Variants in PPM1H observed in about 807,000 individuals in gnomAD.
PPM1H encodes protein phosphatase 1H.
In PPM1H, 27 loss-of-function variants were observed where a neutral mutation model predicts 54.9. The ratio of observed to expected loss-of-function variants is 0.49; its 90% CI spans 0.36 to 0.68. The LOEUF is 0.68. Among genes scored for constraint, PPM1H ranks in the 30% least tolerant of loss-of-function variants. The pLI is 0.00. For missense variants in PPM1H, 596 were observed against 667.8 expected, an observed-to-expected ratio of 0.89 and a Z score of 1.19; for synonymous variants, 305 against 270.8, an observed-to-expected ratio of 1.13 and a Z score of -1.24.
chr12:62,901,558 G>T (rs980657568), intron 1 of PPM1H, among the ~76,000 whole-genome samples: 7 of 152,134 alleles, frequency 4.6e-5, no homozygotes, highest in African/African-American at 1.4e-4. Flanking sequence ...CGTCTTTATA[G>T]AAATTGCCTC....
chr12:62,879,176 C>A (rs912462205), intron 1 of PPM1H, among the ~76,000 whole-genome samples: 1 of 152,166 alleles, frequency 6.6e-6, no homozygotes, highest in African/African-American at 2.4e-5. Flanking sequence ...GGAAGTGTTT[C>A]TTTCGCTATT....
chr12:62,793,937 G>T (rs2663949), intron 3 of PPM1H, among the ~76,000 whole-genome samples: 1 of 152,156 alleles, frequency 6.6e-6, no homozygotes, highest in Non-Finnish European at 1.5e-5. Context: ...ATATCTGGTA[G>T]CAGAAAGGAG....
chr12:62,831,740 T>A (rs1262880718), intron 2 of PPM1H, among the ~76,000 whole-genome samples: 1 of 150,796 alleles, frequency 6.6e-6, no homozygotes, highest in African/African-American at 2.5e-5. Flanking sequence ...AGTGTGTGTG[T>A]ATACGTATAT....
chr12:62,813,502 T>C (rs1433084070), intron 2 of PPM1H, among the ~76,000 whole-genome samples: 2 of 152,228 alleles, frequency 1.3e-5, no homozygotes, highest in Non-Finnish European at 2.9e-5. Flanking sequence ...TGGCAACCCA[T>C]TGCAGGGGAC....
chr12:62,871,511 C>CT (rs375570472), intron 1 of PPM1H, among the ~76,000 whole-genome samples: 1,633 of 119,100 alleles, frequency 0.014, 19 homozygotes, highest in Middle Eastern at 0.038. Context: ...AACTGTGGTA[C>CT]TTTTTTTTTT....
At chr12:62,737,198 A>G (rs1333224311) in intron 5 of PPM1H, among the ~76,000 whole-genome samples, 1 of 145,212 alleles carries the variant, frequency 6.9e-6, no homozygotes, top group Non-Finnish European at 1.5e-5. Flanking sequence ...TGCATTTCAC[A>G]TTGTACATAA....
At chr12:62,887,475 C>T (rs921735172) in intron 1 of PPM1H, among the ~76,000 whole-genome samples, 7 of 152,254 alleles carry the variant, frequency 4.6e-5, no homozygotes, top group African/African-American at 1.7e-4. Context: ...TATTAATGTA[C>T]CAGGCATGAT....
intron 2 of PPM1H, among the ~76,000 whole-genome samples, chr12:62,810,554 A>G (rs1428213767): frequency 6.6e-6 from 1 of 152,204 alleles, no homozygotes; most frequent in African/African-American, 2.4e-5. Flanking sequence ...TCAGTTTGGT[A>G]TTAACTCTAA....
At chr12:62,922,362 A>G (rs1211137517) in intron 1 of PPM1H, among the ~76,000 whole-genome samples, 4 of 151,340 alleles carry the variant, frequency 2.6e-5, no homozygotes, top group African/African-American at 9.7e-5. Context: ...ATTTCACACA[A>G]TGAATGGTCA....
intron 9 of PPM1H, among the ~76,000 whole-genome samples, chr12:62,651,048 T>G (rs2075813338): frequency 1.3e-5 from 2 of 152,216 alleles, no homozygotes; most frequent in Admixed American, 1.3e-4. Context: ...GCTTTTTAGG[T>G]TCAGAAACCT....
intron 6 of PPM1H, among the ~76,000 whole-genome samples, chr12:62,714,952 A>T (rs61919555): frequency 0.061 from 9,332 of 152,240 alleles, 405 homozygotes; most frequent in Non-Finnish European, 0.096. Context: ...GTGAAGTTTC[A>T]GCCCCCTCCC....
At chr12:62,890,718 ACAC>A (rs1870760753) in intron 1 of PPM1H, among the ~76,000 whole-genome samples, 3 of 12,192 alleles carry the variant, frequency 2.5e-4, no homozygotes, top group Non-Finnish European at 3.7e-4. Flanking sequence ...GTGTGTGTAT[ACAC>A]ACACACACAC....
intron 1 of PPM1H, among the ~76,000 whole-genome samples, chr12:62,849,130 G>A (rs573863916): frequency 2.0e-5 from 3 of 152,278 alleles, no homozygotes; most frequent in African/African-American, 4.8e-5. Flanking sequence ...TTCCCAAGGC[G>A]GAAGTGGCTG....
chr12:62,914,399 T>A (rs1020452), intron 1 of PPM1H, among the ~76,000 whole-genome samples: 35,931 of 152,152 alleles, frequency 0.24, 4,446 homozygotes, highest in East Asian at 0.35. Context: ...GGTATTCCTT[T>A]ACAGCAACAC....
intron 4 of PPM1H, among the ~76,000 whole-genome samples, chr12:62,783,133 A>C (rs1205851080): frequency 6.6e-6 from 1 of 152,200 alleles, no homozygotes; most frequent in Non-Finnish European, 1.5e-5. Context: ...CACTCGGCCA[A>C]AAACACAACA....
At chr12:62,856,832 T>C (rs573861782) in intron 1 of PPM1H, among the ~76,000 whole-genome samples, 3 of 152,330 alleles carry the variant, frequency 2.0e-5, no homozygotes, top group Admixed American at 6.5e-5. Context: ...TTTATAACAA[T>C]GGATGGGATC....
At chr12:62,686,307 T>C (rs1043052938) in intron 8 of PPM1H, among the ~76,000 whole-genome samples, 4 of 152,238 alleles carry the variant, frequency 2.6e-5, no homozygotes, top group Admixed American at 1.3e-4. Flanking sequence ...GCTTCTCATT[T>C]TATATAAAAA....
intron 1 of PPM1H, among the ~76,000 whole-genome samples, chr12:62,846,134 A>G (rs1399989730): frequency 1.3e-5 from 2 of 152,078 alleles, no homozygotes; most frequent in African/African-American, 2.4e-5. Context: ...ACCTTTCTCA[A>G]CCGTGAATGT....
At chr12:62,889,078 GAGTTA>G (rs1870690114) in intron 1 of PPM1H, among the ~76,000 whole-genome samples, 1 of 152,162 alleles carries the variant, frequency 6.6e-6, no homozygotes, top group Non-Finnish European at 1.5e-5. Context: ...CCAGGCCCAA[GAGTTA>G]GCTGCCTGTC....
Sources: allele counts gnomAD v4.1 joint callset (sites outside exome capture counted in the v4.1 genomes callset), GRCh38; gene constraint gnomAD v4.1.1; transcripts MANE v1.5; gene names NCBI Gene and HGNC (gene_info 2026-07-23, HGNC 2026-07-21).